Variants in PTPRE observed in about 807,000 individuals in gnomAD.
PTPRE encodes the protein receptor-type tyrosine-protein phosphatase epsilon.
Under a neutral mutation model 102.0 loss-of-function variants are expected in PTPRE, and 51 were observed. The observed-to-expected ratio is 0.50, with a 90% confidence interval of 0.40 to 0.63. PTPRE has a LOEUF of 0.63. Among genes scored for constraint, PTPRE ranks in the 30% least tolerant of loss-of-function variants. The probability of loss-of-function intolerance (pLI) is 0.00; values close to 1 mark genes in which losing one functional copy is unlikely to be tolerated. For missense variants in PTPRE, 752 were observed against 915.1 expected (o/e 0.82, Z 2.30); for synonymous variants, 345 against 348.2 (o/e 0.99, Z 0.10).
At position 127,944,378 on chromosome 10, in the gene PTPRE, G is replaced by A. The variant is rs111478451; in HGVS notation, c.-31+37069G>A. Among the ~76,000 whole-genome samples, 4,422 of 151,810 alleles carry A rather than the reference G, an allele frequency of 0.029. 98 individuals carry two copies. Among genetic ancestry groups the A allele is most frequent in the Middle Eastern group, 0.061 (18 of 294 alleles). On this transcript the variant is annotated intron_variant, in intron 1 of 20. Transcript: ENST00000254667. This position sits in a 1 kb window ranked among gnomAD's most constrained non-coding sequence, Gnocchi z 4.2. Reference sequence around the variant, plus strand: ...ATGGATGGACGATGGACAGATGGATGGATATGTGGATGGATGGATGGATGG... The same window carrying A: ...ATGGATGGACGATGGACAGATGGATAGATATGTGGATGGATGGATGGATGG...
At chr10:128,052,153 A>C (rs1432872408) in intron 6 of PTPRE, among the ~76,000 whole-genome samples, 2 of 152,176 alleles carry the variant, frequency 1.3e-5, no homozygotes, top group East Asian at 3.8e-4. Flanking sequence ...CCGTCCTCTG[A>C]GAGCACTGGA....
chr10:127,951,851 G>T (rs991340644), intron 1 of PTPRE, among the ~76,000 whole-genome samples: 7 of 152,228 alleles, frequency 4.6e-5, no homozygotes, highest in Admixed American at 3.9e-4. Context: ...GGCCTGTGCA[G>T]AAGACAGATA....
chr10:127,994,104 A>T (rs1852996696), intron 2 of PTPRE, among the ~76,000 whole-genome samples: 1 of 152,228 alleles, frequency 6.6e-6, no homozygotes, highest in Non-Finnish European at 1.5e-5. Context: ...GTTACAGAGC[A>T]TTAAACCCCA....
rs147684257 is a variant in PTPRE at position 128,077,464 on chromosome 10, G to A, written c.1726-153G>A. 3.9e-5 allele frequency among the ~76,000 whole-genome samples: 6 copies of A among 152,334 alleles called. No individual in the cohort carries two copies. In the East Asian group the frequency reaches 1.2e-3, roughly 29 times the overall value. On this transcript the variant is annotated intron_variant, in intron 18 of 20. Transcript: ENST00000254667. Reference sequence around the variant, plus strand: ...TCTTCTTTAGGACAAGCAGGTTTCAGCCTTCTCCTTCAGGCTGCCTCGGTG... The same window carrying A: ...TCTTCTTTAGGACAAGCAGGTTTCAACCTTCTCCTTCAGGCTGCCTCGGTG...
Position 128,085,339 on chromosome 10 carries a change from A to G in PTPRE, c.*2433A>G. Reference sequence around the variant, plus strand: ...ATTGTACATAACAAAACAGCCCCCAAACAGCCCAGTGCCGACACCATTGTT... The same window carrying G: ...ATTGTACATAACAAAACAGCCCCCAGACAGCCCAGTGCCGACACCATTGTT... On this transcript the variant is annotated 3_prime_UTR_variant, in exon 21 of 21. Coordinates refer to ENST00000254667, the MANE Select transcript of PTPRE (RefSeq NM_006504.6). The G allele has an allele frequency of 1.1e-5, 3 of 275,972 alleles. No individual in the cohort carries two copies. The highest frequency in any genetic ancestry group is 1.0e-4 in the South Asian group (3 of 29,242). 17.1% of individuals were successfully genotyped at this position (275,972 alleles called of 1,614,324 possible).
At chr10:128,066,243 C>T (rs774459721) in intron 11 of PTPRE, 49 bp downstream of exon 11, 2 of 1,601,416 alleles carry the variant, frequency 1.2e-6, no homozygotes, top group Middle Eastern at 1.7e-4. Context: ...TTTCAGAGAG[C>T]ATCATGCCCA....
rs1848393942 is a variant in PTPRE at position 128,049,636 on chromosome 10, C to T, written c.390C>T (p.Asp130=). The change falls in exon 6 of 21, where the codon GAC becomes GAT. Residue 130 remains aspartate, a synonymous_variant. Transcript: ENST00000254667. The part of the protein sequence containing the change: ...LEEEIRIRSA[D]DCKQFREEFN... Reference sequence around the variant, plus strand: ...AGGAGATCCGTATCAGATCCGCCGACGACTGCAAGCAGTTTCGGGAGGAGT... The same window carrying T: ...AGGAGATCCGTATCAGATCCGCCGATGACTGCAAGCAGTTTCGGGAGGAGT... 7 of 1,613,818 alleles carry T rather than the reference C, an allele frequency of 4.3e-6. No homozygotes were observed. Among genetic ancestry groups the T allele is most frequent in the East Asian group, 2.2e-5 (1 of 44,878 alleles).
intron 9 of PTPRE, 83 bp downstream of exon 9, chr10:128,061,798 G>A (rs1849614122): frequency 6.8e-7 from 1 of 1,479,346 alleles, no homozygotes; most frequent in Admixed American, 2.6e-5. Flanking sequence ...ACAAGACCAA[G>A]GACTTATACT....
At chr10:127,917,557 A>T (rs76355255) in intron 1 of PTPRE, among the ~76,000 whole-genome samples, 5,886 of 152,166 alleles carry the variant, frequency 0.039, 133 homozygotes, top group Middle Eastern at 0.085. Context: ...CTGTAGTCCC[A>T]GTTGCTCCGG....
intron 7 of PTPRE, 99 bp downstream of exon 7, chr10:128,056,312 A>C: frequency 1.0e-6 from 1 of 979,846 alleles, no homozygotes. Context: ...CCTGGTGCTC[A>C]GAGGCCCCAA....
intron 3 of PTPRE, among the ~76,000 whole-genome samples, chr10:128,043,712 A>G (rs1847890796): frequency 1.3e-5 from 2 of 152,214 alleles, no homozygotes; most frequent in Non-Finnish European, 2.9e-5. Context: ...GCAGAATTGT[A>G]GGTAATAGCA....
At position 128,077,736 on chromosome 10, in the gene PTPRE, G is replaced by A; in HGVS notation, c.1845G>A (p.Gln615=). 1 of 1,610,154 alleles carries A rather than the reference G, an allele frequency of 6.2e-7. No individual in the cohort carries two copies. Among genetic ancestry groups the A allele is most frequent in the Non-Finnish European group, 8.5e-7 (1 of 1,176,686 alleles). ...KGMIDLIAAV[Q]KQQQQTGNHP... is the part of the protein sequence containing the mutation. ...TGATTGACCTCATCGCAGCCGTGCA[G>A]AAGCAGCAGCAGCAGACAGGCAACC... Residue 615 remains glutamine, a synonymous_variant, in exon 19 of 21, where the codon CAG becomes CAA. Coordinates refer to ENST00000254667, the MANE Select transcript of PTPRE (RefSeq NM_006504.6).
At chr10:128,038,251 A>G (rs1014922145) in intron 2 of PTPRE, among the ~76,000 whole-genome samples, 1 of 152,172 alleles carries the variant, frequency 6.6e-6, no homozygotes, top group African/African-American at 2.4e-5. Context: ...TAGTGTGGTG[A>G]TTCCTTAAGG....
intron 1 of PTPRE, among the ~76,000 whole-genome samples, chr10:127,962,913 G>A (rs1398035875): frequency 6.6e-6 from 1 of 152,218 alleles, no homozygotes; most frequent in East Asian, 1.9e-4. Flanking sequence ...AGGAACCAGG[G>A]GCTGGGAGAG....
At chr10:127,980,605 T>G (rs1419442120) in intron 1 of PTPRE, among the ~76,000 whole-genome samples, 2 of 152,204 alleles carry the variant, frequency 1.3e-5, no homozygotes, top group Admixed American at 1.3e-4. Context: ...GTATTAAGTC[T>G]TTCACCATTA....
intron 1 of PTPRE, among the ~76,000 whole-genome samples, chr10:127,963,444 G>A (rs193228218): frequency 8.7e-4 from 132 of 152,246 alleles, no homozygotes; most frequent in Admixed American, 2.7e-3. Context: ...CTGGCTTCTG[G>A]GTGGATGCAT....
Position 127,957,254 on chromosome 10 carries a change from G to A in PTPRE, c.-30-25020G>A, listed in dbSNP as rs1224058516. Among the ~76,000 whole-genome samples, 5 of 152,212 alleles carry A rather than the reference G, an allele frequency of 3.3e-5. No homozygotes were observed. The East Asian group carries it at 7.7e-4, about 23-fold the overall frequency. On this transcript the variant is annotated intron_variant, in intron 1 of 20. Transcript: ENST00000254667. ...ATTTTGAGTTAATTTTTTGTGAAGG[G>A]TATAAAGCCTGTGTGTAGATTCATT...
rs573593884 is a variant in PTPRE at position 127,924,629 on chromosome 10, C to G, written c.-31+17320C>G. On this transcript the variant is annotated intron_variant, in intron 1 of 20. Transcript: ENST00000254667. ...CAATGTGTTCCCCTCCGCCCAACTT[C>G]CCTCACTGTACTCAAGGAATATCTG... is the stretch of plus-strand genomic sequence containing the variant. 3.9e-5 allele frequency among the ~76,000 whole-genome samples: 6 copies of G among 152,342 alleles called. No homozygotes were observed. The East Asian group carries it at 1.2e-3, about 29-fold the overall frequency.
chr10:128,050,294 T>G, intron 6 of PTPRE, among the ~76,000 whole-genome samples: 1 of 147,662 alleles, frequency 6.8e-6, no homozygotes, highest in East Asian at 2.0e-4. Flanking sequence ...GATGGATGGA[T>G]GAATGAATGC....
Sources: allele counts gnomAD v4.1 joint callset (sites outside exome capture counted in the v4.1 genomes callset), GRCh38; gene constraint gnomAD v4.1.1; non-coding constraint Gnocchi (gnomAD v3.1); transcripts MANE v1.5; gene names NCBI Gene and HGNC (gene_info 2026-07-23, HGNC 2026-07-21).